Variants in AFF3 observed in about 807,000 individuals in gnomAD.
AFF3 encodes the protein ALF transcription elongation factor 3, also known as AF4/FMR2 family member 3.
A neutral mutation model predicts 129.7 loss-of-function variants in AFF3; 32 were observed. That is an observed-to-expected ratio of 0.25 (90% confidence interval 0.19 to 0.33). The LOEUF (loss-of-function observed/expected upper bound fraction) is 0.33. Among genes scored for constraint, AFF3 ranks in the 10% least tolerant of loss-of-function variants. AFF3 has a pLI of 1.00. For synonymous variants in AFF3, 644 were observed against 635.4 expected (o/e 1.01, Z -0.20); for missense variants, 1,373 against 1,592.0 (o/e 0.86, Z 2.34).
intron 7 of AFF3, among the ~76,000 whole-genome samples, chr2:99,981,433 T>C (rs1679395095): frequency 6.6e-6 from 1 of 152,238 alleles, no homozygotes; most frequent in African/African-American, 2.4e-5. Flanking sequence ...TCTTCACTCA[T>C]ATTCCAAATT....
Position 100,142,531 on chromosome 2 carries a change from C to T in AFF3, c.-275G>A, listed in dbSNP as rs17023562. On this transcript the variant is annotated 5_prime_UTR_variant, in exon 1 of 25. Coordinates refer to ENST00000672756, the MANE Select transcript of AFF3 (RefSeq NM_001386135.1). ...TTTCTCTCCCCAGTAAGTCGTTGAA[C>T]GTCTTTCTTCTGAGGCTGAGCGTGG... is the stretch of plus-strand genomic sequence containing the variant. The T allele has an allele frequency of 0.031, 4,670 of 152,440 alleles. 231 individuals are homozygous for T. Among genetic ancestry groups the T allele is most frequent in the African/African-American group, 0.11 (4,389 of 41,570 alleles). The allele number at this position is 152,440 out of a possible 1,614,324, so 9.4% of individuals were successfully genotyped here.
intron 8 of AFF3, among the ~76,000 whole-genome samples, chr2:99,820,254 T>C (rs1212477083): frequency 1.3e-5 from 2 of 152,166 alleles, no homozygotes; most frequent in African/African-American, 4.8e-5. Flanking sequence ...GCTCATAGCC[T>C]ACAAAACTGT....
At chr2:99,796,916 T>C (rs1187128541) in intron 8 of AFF3, among the ~76,000 whole-genome samples, 1 of 152,112 alleles carries the variant, frequency 6.6e-6, no homozygotes, top group African/African-American at 2.4e-5. Flanking sequence ...TAATTAGCCA[T>C]AGACTAAATG....
intron 20 of AFF3, 73 bp from the exon 21 acceptor site, chr2:99,560,509 A>G: frequency 2.1e-6 from 3 of 1,395,738 alleles, no homozygotes; most frequent in East Asian, 2.3e-5. Context: ...TAGCTTTTTT[A>G]TTAACAGAAC....
chr2:99,578,114 C>T (rs536664376), intron 18 of AFF3, among the ~76,000 whole-genome samples: 2 of 152,180 alleles, frequency 1.3e-5, no homozygotes, highest in African/African-American at 4.8e-5. Flanking sequence ...CTGATTATTC[C>T]GTCTACCCAA....
At chr2:100,116,662 A>G (rs1161507703) in intron 2 of AFF3, among the ~76,000 whole-genome samples, 1 of 152,108 alleles carries the variant, frequency 6.6e-6, no homozygotes, top group Non-Finnish European at 1.5e-5. Flanking sequence ...ATATTTGTGT[A>G]TCATTGTTGT....
At chr2:99,986,644 CTTA>C (rs1252907866) in intron 7 of AFF3, among the ~76,000 whole-genome samples, 1 of 152,096 alleles carries the variant, frequency 6.6e-6, no homozygotes, top group African/African-American at 2.4e-5. Context: ...TTAAAAATGA[CTTA>C]TTATACTGTT....
chr2:99,976,041 C>A (rs553388788), intron 7 of AFF3, among the ~76,000 whole-genome samples: 110 of 152,098 alleles, frequency 7.2e-4, no homozygotes, highest in Non-Finnish European at 1.3e-3. Context: ...TTTCCTAGTG[C>A]CTGCCCAGGT....
At chr2:99,849,607 CT>C (rs1689995206) in intron 7 of AFF3, among the ~76,000 whole-genome samples, 1 of 151,992 alleles carries the variant, frequency 6.6e-6, no homozygotes, top group South Asian at 2.1e-4. Flanking sequence ...TACAAGGTGC[CT>C]ACTACACAAC....
intron 7 of AFF3, among the ~76,000 whole-genome samples, chr2:99,890,527 C>T (rs993241046): frequency 3.9e-5 from 6 of 152,168 alleles, no homozygotes; most frequent in African/African-American, 7.2e-5. Context: ...GAGGCTTGAC[C>T]GGGCACACTG....
chr2:99,698,773 G>C (rs1013507333), intron 11 of AFF3, among the ~76,000 whole-genome samples: 1 of 152,114 alleles, frequency 6.6e-6, no homozygotes, highest in African/African-American at 2.4e-5. Flanking sequence ...GAGAAACCTT[G>C]TATTTTTAAC....
chr2:99,922,888 T>C (rs1374883626), intron 7 of AFF3, among the ~76,000 whole-genome samples: 1 of 152,202 alleles, frequency 6.6e-6, no homozygotes, highest in Non-Finnish European at 1.5e-5. Flanking sequence ...ATCTATTTTC[T>C]ACCCAGCCTT....
At chr2:100,005,007 T>C (rs1326087552) in intron 7 of AFF3, among the ~76,000 whole-genome samples, 12 of 152,140 alleles carry the variant, frequency 7.9e-5, no homozygotes, top group Admixed American at 7.9e-4. Context: ...TGTCACTACA[T>C]ATAGGGGAAA....
chr2:100,007,452 C>T lies in AFF3; in HGVS notation c.183G>A (p.Lys61=). 1 of 1,611,420 alleles carries T rather than the reference C, an allele frequency of 6.2e-7. No individual in the cohort carries two copies. The highest frequency in any genetic ancestry group is 8.5e-7 in the Non-Finnish European group (1 of 1,178,460). The stretch of plus-strand genomic sequence containing the variant: ...GGATCCGGTTGGAGAGTTCATCCCC[C>T]TTGTTAGTCTGGAGAAAGAAAAACA... ...SLFSEPYKTN[K]GDELSNRIQN... Residue 61 remains lysine, a synonymous_variant, in exon 6 of 25, where the codon AAG becomes AAA. Coordinates refer to ENST00000672756, the MANE Select transcript of AFF3 (RefSeq NM_001386135.1).
At chr2:99,677,620 G>A (rs1385590531) in intron 11 of AFF3, among the ~76,000 whole-genome samples, 1 of 152,158 alleles carries the variant, frequency 6.6e-6, no homozygotes, top group Non-Finnish European at 1.5e-5. Flanking sequence ...CAGGGAGAGC[G>A]GGCCTTGCAG....
rs1477051183 is a variant in AFF3, at chr2:100,142,484, C to T, written c.-228G>A. On this transcript the variant is annotated splice_region_variant and 5_prime_UTR_variant, in exon 1 of 25. Coordinates refer to ENST00000672756, the MANE Select transcript of AFF3 (RefSeq NM_001386135.1). The stretch of plus-strand genomic sequence containing the variant: ...CGCACACCCTCCAGTTTGATCTTAC[C>T]TCTCAGCTCCCGTTCCTTTTCTTTC... The T allele has an allele frequency of 2.0e-5, 3 of 152,512 alleles. No individual in the cohort carries two copies. The highest frequency in any genetic ancestry group is 1.3e-4 in the Admixed American group (2 of 15,308). 9.4% of individuals were successfully genotyped at this position (152,512 alleles called of 1,614,324 possible).
intron 7 of AFF3, among the ~76,000 whole-genome samples, chr2:99,997,354 T>A (rs1680938775): frequency 6.6e-6 from 1 of 152,130 alleles, no homozygotes; most frequent in South Asian, 2.1e-4. Context: ...AGAACAAATA[T>A]CTGTCCTCAG....
intron 12 of AFF3, among the ~76,000 whole-genome samples, chr2:99,669,740 C>A (rs6720070): frequency 6.6e-6 from 1 of 151,964 alleles, no homozygotes. Context: ...GAGGCCGAGG[C>A]GGGTGGATCA....
chr2:100,042,110 A>G (rs1419527671), intron 4 of AFF3, among the ~76,000 whole-genome samples: 1 of 151,680 alleles, frequency 6.6e-6, no homozygotes, highest in East Asian at 1.9e-4. Flanking sequence ...CTGCCCTGCC[A>G]CACTGGCCTT....
Sources: gnomAD v4.1 joint callset for allele counts (sites outside exome capture counted in the v4.1 genomes callset) on GRCh38, gnomAD v4.1.1 for gene constraint, MANE v1.5 for transcripts, NCBI Gene and HGNC (gene_info 2026-07-23, HGNC 2026-07-21) for gene names.